The following TRNT1 variants were observed in gnomAD, a reference collection of about 807,000 sequenced individuals.
The protein encoded by TRNT1 is tRNA nucleotidyl transferase 1, also known as CCA tRNA nucleotidyltransferase 1, mitochondrial.
Under a neutral mutation model 45.6 loss-of-function variants are expected in TRNT1, and 44 were observed. That is an observed-to-expected ratio of 0.97 (90% confidence interval 0.76 to 1.24). The LOEUF (loss-of-function observed/expected upper bound fraction) is 1.24. TRNT1 is among the 50% of genes most tolerant of loss of function. The probability of loss-of-function intolerance (pLI) is 0.00; values close to 1 mark genes in which losing one functional copy is unlikely to be tolerated. For synonymous variants in TRNT1, 201 were observed against 171.4 expected (o/e 1.17, Z -1.35); for missense variants, 633 against 504.4 (o/e 1.25, Z -2.44).
chr3:3,134,715 C>T (rs1705219827), intron 2 of TRNT1, among the ~76,000 whole-genome samples: 1 of 151,796 alleles, frequency 6.6e-6, no homozygotes, highest in Non-Finnish European at 1.5e-5. Flanking sequence ...TGAAGTCATT[C>T]TTTTTTTTAA....
intron 2 of TRNT1, chr3:3,129,904 C>G: frequency 6.4e-7 from 1 of 1,550,642 alleles, no homozygotes; most frequent in South Asian, 1.2e-5. Flanking sequence ...CCGCTAAGCT[C>G]TGTTTCCTTC....
chr3:3,142,913 A>G (rs1380918585), intron 4 of TRNT1, among the ~76,000 whole-genome samples: 3 of 152,196 alleles, frequency 2.0e-5, no homozygotes, highest in Non-Finnish European at 2.9e-5. Context: ...TTTGCCATGT[A>G]TGTCAAGATG....
At chr3:3,131,064 C>T (rs1044336795) in intron 2 of TRNT1, among the ~76,000 whole-genome samples, 1 of 150,408 alleles carries the variant, frequency 6.6e-6, no homozygotes, top group Admixed American at 6.6e-5. Flanking sequence ...CTGGGCGACA[C>T]AGACCGTGTC....
intron 3 of TRNT1, among the ~76,000 whole-genome samples, chr3:3,138,678 T>G (rs924982840): frequency 6.6e-6 from 1 of 152,232 alleles, no homozygotes; most frequent in African/African-American, 2.4e-5. Context: ...CTTAACTTCA[T>G]CTCCCAGTCA....
chr3:3,145,843 G>C (rs530434990), intron 5 of TRNT1, among the ~76,000 whole-genome samples: 2 of 151,884 alleles, frequency 1.3e-5, no homozygotes, highest in South Asian at 4.2e-4. Context: ...CATCACTTTG[G>C]ACCGCTGATG....
intron 2 of TRNT1, chr3:3,131,703 C>G (rs1200269182): frequency 1.0e-5 from 1 of 99,644 alleles, no homozygotes; most frequent in East Asian, 3.2e-4. Flanking sequence ...AACTAAAGAG[C>G]TTCTGCACAG....
chr3:3,149,199 T>C (rs1289458929), downstream of TRNT1: 1 of 152,102 alleles, frequency 6.6e-6, no homozygotes, highest in African/African-American at 2.4e-5. Context: ...ACAGGGGCTA[T>C]GATGCAAGAA....
chr3:3,150,908 G>C, downstream of TRNT1: 1 of 1,613,926 alleles, frequency 6.2e-7, no homozygotes, highest in South Asian at 1.1e-5. Flanking sequence ...TTCATCTTCA[G>C]TGTCTGGGAT....
In TRNT1 at chr3:3,147,444, C is replaced by T. The variant is rs183382145; in HGVS notation, c.803-6C>T. 5.3e-5 allele frequency: 85 copies of T among 1,612,450 alleles called. No individual in the cohort carries two copies. The African/African-American group carries it at 8.8e-4, about 17-fold the overall frequency. On this transcript the variant is annotated splice_polypyrimidine_tract_variant and splice_region_variant and intron_variant, in intron 6 of 7. Coordinates refer to ENST00000251607, the MANE Select transcript of TRNT1 (RefSeq NM_182916.3). ...AAACAGGTGAAAAATGCTTTTGTCC[C>T]TACAGGTTTACCTGCTAATGCAAGT...
At chr3:3,137,568 T>C in intron 3 of TRNT1, 115 bp downstream of exon 3, 1 of 851,736 alleles carries the variant, frequency 1.2e-6, no homozygotes, top group Non-Finnish European at 1.8e-6. Context: ...CAGTCTCTTC[T>C]ATGCCCGTCA....
chr3:3,143,040 G>A (rs1395908716), intron 4 of TRNT1, among the ~76,000 whole-genome samples: 1 of 152,152 alleles, frequency 6.6e-6, no homozygotes, highest in Non-Finnish European at 1.5e-5. Flanking sequence ...GAACATTCAA[G>A]TTCAAACACA....
At chr3:3,132,617 G>A (rs1454871239) in intron 2 of TRNT1, among the ~76,000 whole-genome samples, 1 of 111,886 alleles carries the variant, frequency 8.9e-6, no homozygotes, top group Non-Finnish European at 1.8e-5. Context: ...CACCAGCATG[G>A]CACATGTATA....
intron 4 of TRNT1, 59 bp from the exon 5 acceptor site, chr3:3,144,525 G>C: frequency 6.7e-7 from 1 of 1,487,564 alleles, no homozygotes; most frequent in Non-Finnish European, 9.2e-7. Flanking sequence ...TGATTTTCTT[G>C]TGTTTTCAAA....
intron 2 of TRNT1, chr3:3,136,575 A>T (rs560393519): frequency 4.8e-6 from 2 of 413,390 alleles, no homozygotes; most frequent in African/African-American, 4.2e-5. Context: ...ACAGAGAAAT[A>T]CAAGAACATG....
At chr3:3,147,356 G>GCATT in intron 6 of TRNT1, 94 bp from the exon 7 acceptor site, 1 of 1,407,188 alleles carries the variant, frequency 7.1e-7, no homozygotes, top group Non-Finnish European at 9.7e-7. Flanking sequence ...TAGTGACAAA[G>GCATT]CATTTCTGGA....
chr3:3,140,448 C>A, intron 3 of TRNT1, 62 bp from the exon 4 acceptor site: 2 of 1,543,220 alleles, frequency 1.3e-6, no homozygotes, highest in Non-Finnish European at 1.8e-6. Flanking sequence ...TTATTTTTTT[C>A]AATTCAGTAG....
intron 2 of TRNT1, chr3:3,129,820 T>A: frequency 1.3e-6 from 2 of 1,520,496 alleles, no homozygotes; most frequent in Middle Eastern, 1.7e-4. Flanking sequence ...GTGCTTTGCC[T>A]GTGTTTCTGT....
chr3:3,140,509 G>T lies in TRNT1; in HGVS notation c.343-1G>T. On this transcript the variant is annotated splice_acceptor_variant, in intron 3 of 7. Transcript: ENST00000251607. LOFTEE classifies it high-confidence loss of function. Reference sequence around the variant, plus strand: ...CAAAAACCCCATGTATTTAATTGCAGCTTCATGAAGAAAATTTTGAGATTA... The same window carrying T: ...CAAAAACCCCATGTATTTAATTGCATCTTCATGAAGAAAATTTTGAGATTA... 2 of 1,611,404 alleles carry T rather than the reference G, an allele frequency of 1.2e-6. No homozygotes were observed. Among genetic ancestry groups the T allele is most frequent in the Non-Finnish European group, 1.7e-6 (2 of 1,178,758 alleles).
At chr3:3,152,388 A>T (rs1575078743), downstream of TRNT1, 3 of 1,489,314 alleles carry the variant, frequency 2.0e-6, no homozygotes, top group South Asian at 2.4e-5. Context: ...TCTGCTTAGG[A>T]CTCTGGATTT....
Sources: allele counts gnomAD v4.1 joint callset (sites outside exome capture counted in the v4.1 genomes callset), GRCh38; gene constraint gnomAD v4.1.1; transcripts MANE v1.5; gene names NCBI Gene and HGNC (gene_info 2026-07-23, HGNC 2026-07-21).